ARL15: variants seen among roughly 807,000 people sequenced by gnomAD.
ARL15 encodes ARF like GTPase 15, also known as ADP-ribosylation factor-like protein 15.
In ARL15, 19 loss-of-function variants were observed where a neutral mutation model predicts 25.2. The observed-to-expected ratio is 0.75, with a 90% CI of 0.53 to 1.10. The LOEUF (loss-of-function observed/expected upper bound fraction) is 1.10, where lower values mean the gene tolerates loss of function less well. Among genes scored for constraint, ARL15 ranks in the 50% least tolerant of loss-of-function variants. The probability of loss-of-function intolerance (pLI) is 0.00; values close to 1 mark genes in which losing one functional copy is unlikely to be tolerated. For missense variants in ARL15, 220 were observed against 246.0 expected, an observed-to-expected ratio of 0.89 and a Z score of 0.71; for synonymous variants, 94 against 86.8, an observed-to-expected ratio of 1.08 and a Z score of -0.46.
intron 4 of ARL15, chr5:53,887,346 T>C (rs1347006321): frequency 1.4e-6 from 1 of 700,662 alleles, no homozygotes; most frequent in African/African-American, 1.8e-5. Flanking sequence ...ATGCGTAAAA[T>C]CTTCTACCTT....
chr5:54,227,855 T>C (rs1756567885), intron 1 of ARL15, among the ~76,000 whole-genome samples: 1 of 152,162 alleles, frequency 6.6e-6, no homozygotes, highest in African/African-American at 2.4e-5. Flanking sequence ...TTCAGAGCTG[T>C]AGGTACAAAA....
chr5:54,209,924 A>G (rs1232941143), intron 1 of ARL15, among the ~76,000 whole-genome samples: 1 of 152,196 alleles, frequency 6.6e-6, no homozygotes. Flanking sequence ...TCTTCAAAAT[A>G]TAAAGATACA....
chr5:53,977,235 T>G (rs1638769917), intron 4 of ARL15, among the ~76,000 whole-genome samples: 1 of 151,632 alleles, frequency 6.6e-6, no homozygotes, highest in South Asian at 2.1e-4. Flanking sequence ...CGGGCGCCTG[T>G]AGTCCCAGCT....
rs879810305 is a variant in ARL15 at position 54,058,019 on chromosome 5, T to TA, written c.462+55182_462+55183insT. Among the ~76,000 whole-genome samples the TA allele has an allele frequency of 7.2e-3, 1,086 of 151,350 alleles. 11 individuals are homozygous for TA. Among genetic ancestry groups the TA allele is most frequent in the Non-Finnish European group, 0.012 (795 of 67,782 alleles). ...TTATTTATTTATTTATTTATTTATTTTTTTTGACAAAGTCTCGCTCTTGTT... is the reference window on the plus strand; with the variant it reads ...TTATTTATTTATTTATTTATTTATTTATTTTTGACAAAGTCTCGCTCTTGTT... On this transcript the variant is annotated intron_variant, in intron 4 of 4. Transcript: ENST00000504924.
At chr5:53,909,439 G>T (rs1487472587) in intron 4 of ARL15, among the ~76,000 whole-genome samples, 1 of 152,190 alleles carries the variant, frequency 6.6e-6, no homozygotes, top group Non-Finnish European at 1.5e-5. Context: ...GGGCACGGTG[G>T]CTCACGCCAG....
At position 54,290,304 on chromosome 5, in the gene ARL15, CTT is replaced by C. The variant is rs34445601; in HGVS notation, c.48+20126_48+20127del. On this transcript the variant is annotated intron_variant, in intron 1 of 4. Transcript: ENST00000504924. ...AAGATTATATCAACTATCACTCAAC[CTT>C]TTTTTTTTTTTTTTTGAGGTAGAGT... Among the ~76,000 whole-genome samples, 140 of 139,890 alleles carry C rather than the reference CTT, an allele frequency of 1.0e-3. 2 individuals are homozygous for C. The highest frequency in any genetic ancestry group is 2.4e-3 in the African/African-American group (91 of 38,026). 91.8% of individuals were successfully genotyped at this position (139,890 alleles called of 152,430 possible). A position where few individuals can be genotyped will look rare whatever the true frequency, so the allele number is the denominator to read the frequency against.
intron 1 of ARL15, among the ~76,000 whole-genome samples, chr5:54,204,846 T>G (rs1755820098): frequency 6.6e-6 from 1 of 152,104 alleles, no homozygotes; most frequent in South Asian, 2.1e-4. Context: ...CAGGTATTTG[T>G]GTAGCTTGTG....
rs1744557051 is a variant in ARL15 at position 53,887,248 on chromosome 5, A to T, written c.463-535T>A. 3 of 611,948 alleles carry T rather than the reference A, an allele frequency of 4.9e-6. No individual in the cohort carries two copies. The East Asian group carries it at 8.4e-5, about 17-fold the overall frequency. The allele number at this position is 611,948 out of a possible 1,614,324, so 37.9% of individuals were successfully genotyped here. ...CAAATTTCTAGTATCTGCTTCTGAGACATGAGAGCGTGTTTTCTAGGAAAG... is the reference window on the plus strand; with the variant it reads ...CAAATTTCTAGTATCTGCTTCTGAGTCATGAGAGCGTGTTTTCTAGGAAAG... On this transcript the variant is annotated intron_variant, in intron 4 of 4. Transcript: ENST00000504924.
intron 1 of ARL15, among the ~76,000 whole-genome samples, chr5:54,178,600 C>T (rs926185664): frequency 6.6e-6 from 1 of 152,170 alleles, no homozygotes; most frequent in Non-Finnish European, 1.5e-5. Flanking sequence ...ATATTTCTTA[C>T]ATAGTTGGCT....
Position 54,008,633 on chromosome 5 carries a change from T to C in ARL15, c.462+104569A>G, listed in dbSNP as rs557522829. Among the ~76,000 whole-genome samples the C allele has an allele frequency of 3.3e-5, 5 of 152,188 alleles. 1 individual carries two copies. The East Asian group carries it at 9.6e-4, about 29-fold the overall frequency. Reference sequence around the variant, plus strand: ...GAACGTCCCTTTAGCTACTGCAGCATTTCTAACAGATGCGACAAATCACAG... The same window carrying C: ...GAACGTCCCTTTAGCTACTGCAGCACTTCTAACAGATGCGACAAATCACAG... On this transcript the variant is annotated intron_variant, in intron 4 of 4. Transcript: ENST00000504924.
intron 1 of ARL15, among the ~76,000 whole-genome samples, chr5:54,174,252 A>G (rs1176383460): frequency 6.6e-6 from 1 of 152,152 alleles, no homozygotes; most frequent in African/African-American, 2.4e-5. Flanking sequence ...ATAGAGACTA[A>G]CAGGATGCTT....
At chr5:54,246,732 C>T (rs1757093437) in intron 1 of ARL15, among the ~76,000 whole-genome samples, 1 of 151,216 alleles carries the variant, frequency 6.6e-6, no homozygotes, top group Non-Finnish European at 1.5e-5. Flanking sequence ...ATGTTTTCAT[C>T]AAGCTTAGGT....
intron 4 of ARL15, among the ~76,000 whole-genome samples, chr5:54,007,464 A>G (rs1749081131): frequency 6.6e-6 from 1 of 152,134 alleles, no homozygotes; most frequent in African/African-American, 2.4e-5. Flanking sequence ...CCCCTCTAAA[A>G]TGGCATATGA....
intron 1 of ARL15, among the ~76,000 whole-genome samples, chr5:54,181,639 A>G (rs897364788): frequency 2.0e-5 from 3 of 152,234 alleles, no homozygotes; most frequent in African/African-American, 7.2e-5. Flanking sequence ...AAAACATTTA[A>G]AAGGAGCTAG....
At chr5:53,982,328 C>T (rs1694060) in intron 4 of ARL15, among the ~76,000 whole-genome samples, 54,023 of 148,610 alleles carry the variant, frequency 0.36, 10,596 homozygotes, top group Middle Eastern at 0.46. Flanking sequence ...AATGCTACAC[C>T]TCCCCTACCC....
At chr5:54,244,277 A>C (rs1579945842) in intron 1 of ARL15, among the ~76,000 whole-genome samples, 1 of 152,314 alleles carries the variant, frequency 6.6e-6, no homozygotes, top group South Asian at 2.1e-4. Context: ...AATAACTGAC[A>C]AACTAATGTA....
At chr5:53,948,801 T>A (rs1220210482) in intron 4 of ARL15, among the ~76,000 whole-genome samples, 2 of 152,206 alleles carry the variant, frequency 1.3e-5, no homozygotes, top group Non-Finnish European at 2.9e-5. Context: ...CACTCAGCAT[T>A]CCTTCACATT....
chr5:54,250,673 CA>C (rs1196187353), intron 1 of ARL15, among the ~76,000 whole-genome samples: 4 of 150,794 alleles, frequency 2.7e-5, no homozygotes, highest in East Asian at 1.9e-4. Context: ...GGGACGGGAC[CA>C]AAAAAAACAC....
chr5:53,922,921 G>C (rs1745901839), intron 4 of ARL15, among the ~76,000 whole-genome samples: 4 of 152,174 alleles, frequency 2.6e-5, no homozygotes, highest in Admixed American at 2.6e-4. Flanking sequence ...CTCCATAAAT[G>C]CTGCTGACTG....
Sources: gnomAD v4.1 joint callset for allele counts (sites outside exome capture counted in the v4.1 genomes callset) on GRCh38, gnomAD v4.1.1 for gene constraint, MANE v1.5 for transcripts, NCBI Gene and HGNC (gene_info 2026-07-23, HGNC 2026-07-21) for gene names.